Variants in DCC observed in about 807,000 individuals in gnomAD.
DCC encodes the protein DCC netrin 1 receptor.
DCC carries 58 observed loss-of-function variants against 172.5 expected under a neutral mutation model. The ratio of observed to expected loss-of-function variants is 0.34; its 90% CI spans 0.27 to 0.42. DCC has a LOEUF of 0.42. Ranked by LOEUF, DCC falls within the 10% of genes least tolerant of loss-of-function variation. DCC has a pLI of 1.00. For synonymous variants in DCC, 709 were observed against 644.5 expected (o/e 1.10, Z -1.52); for missense variants, 1,740 against 1,791.0 (o/e 0.97, Z 0.51).
intron 12 of DCC, among the ~76,000 whole-genome samples, chr18:53,252,336 A>T (rs2056447066): frequency 6.6e-6 from 1 of 151,982 alleles, no homozygotes; most frequent in Non-Finnish European, 1.5e-5. Context: ...ATAAAAATAG[A>T]GTTAAGAAAA....
chr18:52,352,292 C>T (rs1212189104), intron 1 of DCC, among the ~76,000 whole-genome samples: 2 of 152,202 alleles, frequency 1.3e-5, no homozygotes, highest in African/African-American at 4.8e-5. Flanking sequence ...CAGGCCAGCC[C>T]TTCTAGAACC....
chr18:52,624,745 A>G (rs371357193), intron 1 of DCC, among the ~76,000 whole-genome samples: 1 of 152,210 alleles, frequency 6.6e-6, no homozygotes, highest in East Asian at 1.9e-4. Context: ...CTGCTATGCA[A>G]TGATGACTGT....
chr18:52,655,066 C>A (rs1008586605), intron 1 of DCC, among the ~76,000 whole-genome samples: 1 of 152,190 alleles, frequency 6.6e-6, no homozygotes, highest in East Asian at 1.9e-4. Flanking sequence ...GAAACTGCAC[C>A]TTTTTACATT....
In DCC at chr18:53,178,943, T is replaced by G; in HGVS notation, c.1419-19T>G. 6.2e-7 allele frequency: 1 copy of G among 1,613,824 alleles called. No individual in the cohort carries two copies. Among genetic ancestry groups the G allele is most frequent in the Non-Finnish European group, 8.5e-7 (1 of 1,179,780 alleles). Reference sequence around the variant, plus strand: ...TATTCTTTTTGGAATAATCTTTCTCTGCAACTTTGATTTCTCAGGGAACGA... The same window carrying G: ...TATTCTTTTTGGAATAATCTTTCTCGGCAACTTTGATTTCTCAGGGAACGA... On this transcript the variant is annotated intron_variant, in intron 8 of 28. Transcript: ENST00000442544.
intron 1 of DCC, among the ~76,000 whole-genome samples, chr18:52,404,811 C>G (rs112488438): frequency 8.3e-6 from 1 of 120,282 alleles, no homozygotes; most frequent in Non-Finnish European, 1.7e-5. Context: ...ATCCCTCCCC[C>G]CTCCCCCCAC....
chr18:53,108,092 G>T (rs1186773906), intron 7 of DCC, among the ~76,000 whole-genome samples: 2 of 151,556 alleles, frequency 1.3e-5, no homozygotes, highest in Admixed American at 1.3e-4. Context: ...TATATCAGTG[G>T]CTTTTTGTGT....
chr18:53,504,334 T>G (rs954160582), intron 27 of DCC, among the ~76,000 whole-genome samples: 4 of 152,120 alleles, frequency 2.6e-5, no homozygotes, highest in Non-Finnish European at 4.4e-5. Context: ...AGATCAGACA[T>G]CCTTTAGAAG....
chr18:53,156,809 C>CA (rs2054744299), intron 7 of DCC, among the ~76,000 whole-genome samples: 3 of 152,188 alleles, frequency 2.0e-5, no homozygotes, highest in Admixed American at 1.3e-4. Context: ...AATATAGATA[C>CA]ATGTGTTCAT....
chr18:52,570,435 C>A (rs2033265906), intron 1 of DCC, among the ~76,000 whole-genome samples: 2 of 152,110 alleles, frequency 1.3e-5, no homozygotes, highest in Admixed American at 1.3e-4. Flanking sequence ...TTGCATGAAA[C>A]TTTAATGTTA....
At chr18:53,085,190 G>A (rs1427290440) in intron 7 of DCC, among the ~76,000 whole-genome samples, 1 of 152,198 alleles carries the variant, frequency 6.6e-6, no homozygotes, top group African/African-American at 2.4e-5. Flanking sequence ...ACAAGAGATT[G>A]TGCATTCAAT....
Position 53,062,437 on chromosome 18 carries a change from C to T in DCC, c.986-868C>T, listed in dbSNP as rs149267038. On this transcript the variant is annotated intron_variant, in intron 5 of 28. Transcript: ENST00000442544. ...TATCCATTTTCTATGTGAAACAGATCACGGCTGCTACTTCACTGTGAATTT... is the reference window on the plus strand; with the variant it reads ...TATCCATTTTCTATGTGAAACAGATTACGGCTGCTACTTCACTGTGAATTT... Among the ~76,000 whole-genome samples the T allele has an allele frequency of 6.6e-5, 10 of 152,196 alleles. 1 individual carries two copies. The East Asian group carries it at 1.9e-3, about 29-fold the overall frequency.
intron 1 of DCC, among the ~76,000 whole-genome samples, chr18:52,648,613 CTT>C (rs1016925411): frequency 1.5e-3 from 229 of 152,322 alleles, no homozygotes; most frequent in African/African-American, 5.2e-3. Context: ...GTGCCAAAAT[CTT>C]TTCATCACAA....
intron 1 of DCC, among the ~76,000 whole-genome samples, chr18:52,463,468 A>T (rs908351590): frequency 7.9e-5 from 12 of 152,210 alleles, no homozygotes. Context: ...ACATACTAAG[A>T]GTTAGAGACT....
At chr18:52,923,665 T>C in intron 3 of DCC, 42 bp from the exon 4 acceptor site, 1 of 1,444,112 alleles carries the variant, frequency 6.9e-7, no homozygotes, top group Non-Finnish European at 9.8e-7. Flanking sequence ...ATCTTTGCAA[T>C]GTTTTTCATA....
chr18:52,570,716 A>G (rs1367059963), intron 1 of DCC, among the ~76,000 whole-genome samples: 1 of 152,208 alleles, frequency 6.6e-6, no homozygotes, highest in African/African-American at 2.4e-5. Context: ...ATTCACTTTA[A>G]TATGTGACAT....
At chr18:53,326,966 GATCGCC>G (rs2057474989) in intron 14 of DCC, among the ~76,000 whole-genome samples, 1 of 152,148 alleles carries the variant, frequency 6.6e-6, no homozygotes, top group Non-Finnish European at 1.5e-5. Context: ...GCCTGATGGT[GATCGCC>G]AAGAGAATGA....
chr18:52,407,937 C>T (rs1400066792), intron 1 of DCC, among the ~76,000 whole-genome samples: 1 of 152,004 alleles, frequency 6.6e-6, no homozygotes, highest in African/African-American at 2.4e-5. Context: ...TGCCTTACTC[C>T]ATCCAATACT....
At chr18:53,074,387 G>A (rs1032890983) in intron 7 of DCC, among the ~76,000 whole-genome samples, 6 of 152,086 alleles carry the variant, frequency 3.9e-5, no homozygotes, top group Non-Finnish European at 7.4e-5. Flanking sequence ...ATGCATAAAA[G>A]TGCAACTTAA....
intron 21 of DCC, among the ~76,000 whole-genome samples, chr18:53,426,931 T>C (rs12606422): frequency 0.43 from 65,672 of 151,922 alleles, 15,985 homozygotes; most frequent in Non-Finnish European, 0.56. Context: ...AACTTCCAGA[T>C]CTATAGTCAC....
Sources: allele counts gnomAD v4.1 joint callset (sites outside exome capture counted in the v4.1 genomes callset), GRCh38; gene constraint gnomAD v4.1.1; transcripts MANE v1.5; gene names NCBI Gene and HGNC (gene_info 2026-07-23, HGNC 2026-07-21).